FRMPD4: variants seen among roughly 807,000 people sequenced by gnomAD.
FRMPD4 encodes the protein FERM and PDZ domain-containing protein 4.
A neutral mutation model predicts 94.1 loss-of-function variants in FRMPD4; 22 were observed. The ratio of observed to expected loss-of-function variants is 0.23; its 90% CI spans 0.17 to 0.33. FRMPD4 has a LOEUF of 0.33. FRMPD4 is among the 10% of genes least tolerant of loss of function. The pLI is 1.00. For synonymous variants in FRMPD4, 631 were observed against 548.6 expected (o/e 1.15, Z -2.10); for missense variants, 1,111 against 1,339.9 (o/e 0.83, Z 2.67).
At chrX:12,415,320 G>A (rs751970224) in intron 1 of FRMPD4, among the ~76,000 whole-genome samples, 2 of 111,389 alleles carry the variant, frequency 1.8e-5, no homozygotes, top group Non-Finnish European at 3.8e-5. Flanking sequence ...GTATTGCTGG[G>A]CAATATATGT....
At chrX:12,071,772 G>A (rs1311745367) in intron 3 of FRMPD4, among the ~76,000 whole-genome samples, 4 of 111,097 alleles carry the variant, frequency 3.6e-5, no homozygotes, top group African/African-American at 1.3e-4. Flanking sequence ...ACAGGGTGGT[G>A]AAAACTTTCC....
chrX:12,237,705 G>A (rs2147787888), intron 1 of FRMPD4, among the ~76,000 whole-genome samples: 1 of 111,822 alleles, frequency 8.9e-6, no homozygotes, highest in East Asian at 2.8e-4. Flanking sequence ...GAAGCTTTAT[G>A]TTATTTATCT....
Position 12,686,133 on chromosome X carries a change from A to G in FRMPD4, c.610A>G (p.Asn204Asp). The part of the protein sequence containing the change: ...VKDNSLLFMP[N>D]VLKVYLENGQ... ...GGACAACTCACTTCTTTTTATGCCA[A>G]ATGTTTTGAAAGTCTATCTGGAAAA... The change falls in exon 7 of 17, where the codon AAT (asparagine) becomes GAT (aspartate). Residue 204 changes from asparagine to aspartate, a missense_variant. Coordinates refer to ENST00000675598, the MANE Select transcript of FRMPD4 (RefSeq NM_001368397.1). 8.4e-7 allele frequency: 1 copy of G among 1,190,397 alleles called. No individual in the cohort carries two copies. The highest frequency in any genetic ancestry group is 1.1e-6 in the Non-Finnish European group (1 of 877,034).
intron 2 of FRMPD4, among the ~76,000 whole-genome samples, chrX:11,875,869 A>ATTT (rs869076863): frequency 0.013 from 753 of 57,179 alleles, 6 homozygotes; most frequent in Non-Finnish European, 0.015. Context: ...CCACTTGAGG[A>ATTT]TTTTTTTTTT....
chrX:11,885,013 A>AT (rs2053838266), intron 3 of FRMPD4, among the ~76,000 whole-genome samples: 1 of 111,811 alleles, frequency 8.9e-6, no homozygotes, highest in African/African-American at 3.3e-5. Context: ...CTGTTGTGTC[A>AT]TCCCACTTCT....
At chrX:12,122,000 G>A (rs1050946671) in intron 3 of FRMPD4, among the ~76,000 whole-genome samples, 3 of 111,861 alleles carry the variant, frequency 2.7e-5, no homozygotes, top group East Asian at 2.8e-4. Context: ...GGCAATTTTC[G>A]TGTATTGAAT....
intron 4 of FRMPD4, among the ~76,000 whole-genome samples, chrX:12,641,085 G>T (rs2059495744): frequency 9.0e-6 from 1 of 111,316 alleles, no homozygotes; most frequent in Non-Finnish European, 1.9e-5. Context: ...TCATCATTAG[G>T]CACTTGTTCA....
At chrX:12,313,324 G>A (rs999983670) in intron 1 of FRMPD4, among the ~76,000 whole-genome samples, 2 of 112,593 alleles carry the variant, frequency 1.8e-5, no homozygotes, top group Non-Finnish European at 3.7e-5. Context: ...TCATGGGATA[G>A]CACCTTGAGG....
At chrX:11,835,126 T>C (rs992380777) in intron 1 of FRMPD4, among the ~76,000 whole-genome samples, 36 of 111,308 alleles carry the variant, frequency 3.2e-4, no homozygotes, top group African/African-American at 1.2e-3. Context: ...GCTCTATGAG[T>C]TAAAATGAGA....
At chrX:12,401,769 A>G (rs1164634373) in intron 1 of FRMPD4, among the ~76,000 whole-genome samples, 1 of 112,007 alleles carries the variant, frequency 8.9e-6, no homozygotes, top group Non-Finnish European at 1.9e-5. Context: ...AATGGCTCCA[A>G]TATTCACAGA....
intron 2 of FRMPD4, among the ~76,000 whole-genome samples, chrX:12,563,468 A>G (rs945782985): frequency 1.8e-5 from 2 of 111,933 alleles, no homozygotes; most frequent in African/African-American, 6.5e-5. Context: ...TCTGAATCAT[A>G]AACACAAATT....
At chrX:12,620,809 T>C (rs1263502318) in intron 4 of FRMPD4, among the ~76,000 whole-genome samples, 1 of 112,634 alleles carries the variant, frequency 8.9e-6, no homozygotes, top group Non-Finnish European at 1.9e-5. Context: ...GCAGACCCCA[T>C]TGCAAATACA....
intron 1 of FRMPD4, among the ~76,000 whole-genome samples, chrX:12,301,312 C>T (rs920468052): frequency 1.8e-5 from 2 of 111,814 alleles, no homozygotes; most frequent in African/African-American, 3.3e-5. Flanking sequence ...GGCCTGGCAT[C>T]GGTCTACGGA....
At chrX:12,307,286 G>A (rs1601801960) in intron 1 of FRMPD4, among the ~76,000 whole-genome samples, 1 of 112,414 alleles carries the variant, frequency 8.9e-6, no homozygotes, top group South Asian at 3.7e-4. Flanking sequence ...CTAGATGTCA[G>A]AGACTAATAA....
At chrX:12,662,887 C>T (rs781139503) in intron 4 of FRMPD4, among the ~76,000 whole-genome samples, 2 of 112,403 alleles carry the variant, frequency 1.8e-5, no homozygotes, top group African/African-American at 3.2e-5. Context: ...CTTTAATGAT[C>T]GCCATTTTAA....
intron 1 of FRMPD4, among the ~76,000 whole-genome samples, chrX:11,848,167 A>G (rs1361180693): frequency 1.8e-5 from 2 of 110,664 alleles, no homozygotes; most frequent in Non-Finnish European, 3.8e-5. Context: ...CTGAATTCTT[A>G]TTTTTTTCCC....
intron 3 of FRMPD4, among the ~76,000 whole-genome samples, chrX:11,932,077 A>G (rs2054125115): frequency 8.9e-6 from 1 of 112,188 alleles, no homozygotes; most frequent in Non-Finnish European, 1.9e-5. Context: ...TATTAACTAC[A>G]GAGTGCATAC....
At chrX:12,593,033 C>T (rs146872437) in intron 2 of FRMPD4, among the ~76,000 whole-genome samples, 111 of 111,706 alleles carry the variant, frequency 9.9e-4, no homozygotes, top group Non-Finnish European at 1.4e-3. Context: ...TCCTAGGCCT[C>T]GTTCAAGACT....
intron 1 of FRMPD4, among the ~76,000 whole-genome samples, chrX:12,473,851 C>A (rs1321157342): frequency 9.1e-6 from 1 of 109,721 alleles, no homozygotes; most frequent in Non-Finnish European, 1.9e-5. Context: ...CTTAGACTCC[C>A]ACACAATAAT....
Sources: allele counts gnomAD v4.1 joint callset (sites outside exome capture counted in the v4.1 genomes callset), GRCh38; gene constraint gnomAD v4.1.1; transcripts MANE v1.5; gene names NCBI Gene and HGNC (gene_info 2026-07-23, HGNC 2026-07-21).